ZFP91: variants seen among roughly 807,000 people sequenced by gnomAD.
ZFP91 encodes E3 ubiquitin-protein ligase ZFP91.
Under a neutral mutation model 63.5 loss-of-function variants are expected in ZFP91, and 7 were observed. The observed-to-expected ratio is 0.11, with a 90% CI of 0.06 to 0.21. The LOEUF is 0.21. ZFP91 is among the 10% of genes least tolerant of loss of function. The pLI is 1.00. For synonymous variants in ZFP91, 330 were observed against 272.1 expected (o/e 1.21, Z -2.10); for missense variants, 628 against 736.6 (o/e 0.85, Z 1.71).
chr11:58,582,786 T>C (rs1855141105), intron 1 of ZFP91, among the ~76,000 whole-genome samples: 2 of 152,140 alleles, frequency 1.3e-5, no homozygotes, highest in Admixed American at 1.3e-4. Context: ...ATCTGATGTT[T>C]ATAACAACTT....
intron 1 of ZFP91, among the ~76,000 whole-genome samples, chr11:58,583,361 G>GT (rs1855150646): frequency 1.3e-5 from 2 of 152,000 alleles, no homozygotes; most frequent in Admixed American, 1.3e-4. Context: ...AAGGAAAGTA[G>GT]TTTTATTTTC....
rs747591460 is a variant in ZFP91, at chr11:58,609,985, G to A, written c.526G>A (p.Gly176Ser). The A allele has an allele frequency of 3.3e-5, 54 of 1,614,150 alleles. No homozygotes were observed. Among genetic ancestry groups the A allele is most frequent in the Admixed American group, 2.8e-4 (17 of 60,028 alleles). The stretch of plus-strand genomic sequence containing the variant: ...CACCCGAAGCTCTCGGTCCAAGACC[G>A]GTTCATTGCAGCTCATTTGCAAGTC... ...ENTRSSRSKT[G>S]SLQLICKSEP... The change falls in exon 3 of 11, where the codon GGT becomes AGT. Residue 176 changes from glycine (G) to serine (S), a missense_variant. Transcript: ENST00000316059.
chr11:58,590,880 C>G (rs1256641989), intron 2 of ZFP91, among the ~76,000 whole-genome samples: 4 of 150,362 alleles, frequency 2.7e-5, no homozygotes, highest in Non-Finnish European at 5.9e-5. Context: ...TAACCGTTAC[C>G]TAACTGAAGG....
chr11:58,579,410 G>C lies in ZFP91; in HGVS notation c.129G>C (p.Gly43=). Residue 43 remains glycine (G), a synonymous_variant, in exon 1 of 11, where the codon GGG becomes GGC. Transcript: ENST00000316059. ...AGGCGGTCGCGGCGGCGCCTGCAGGGACCACTAGCAGCCGCGTGCTGAGGG... is the reference window on the plus strand; with the variant it reads ...AGGCGGTCGCGGCGGCGCCTGCAGGCACCACTAGCAGCCGCGTGCTGAGGG... The part of the protein sequence containing the change: ...PPEAVAAAPA[G]TTSSRVLRGG... The C allele has an allele frequency of 6.9e-7, 1 of 1,456,124 alleles. No homozygotes were observed. Among genetic ancestry groups the C allele is most frequent in the South Asian group, 1.4e-5 (1 of 73,740 alleles). 90.2% of individuals were successfully genotyped at this position (1,456,124 alleles called of 1,614,324 possible).
At chr11:58,611,130 C>G (rs769615486) in intron 5 of ZFP91, 76 bp downstream of exon 5, 27 of 1,346,764 alleles carry the variant, frequency 2.0e-5, no homozygotes, top group Non-Finnish European at 2.8e-5. Context: ...TTTATTTTAT[C>G]TGTTGCCAAG....
Position 58,617,499 on chromosome 11 carries a change from A to C in ZFP91, c.1506A>C (p.Ser502=). Residue 502 remains serine (S), a synonymous_variant, in exon 11 of 11, where the codon TCA becomes TCC. Transcript: ENST00000316059. This position sits in a 1 kb window ranked among gnomAD's most constrained non-coding sequence, Gnocchi z 4.2. ...LPLLPEPLGN[S]TSGECLLLEA... is the part of the protein sequence containing the mutation. ...TTCTTCCTGAGCCCTTGGGAAACTC[A>C]ACCTCTGGAGAGTGCCTACTGTTAG... is the stretch of plus-strand genomic sequence containing the variant. 1 of 1,614,158 alleles carries C rather than the reference A, an allele frequency of 6.2e-7. No homozygotes were observed. Among genetic ancestry groups the C allele is most frequent in the Non-Finnish European group, 8.5e-7 (1 of 1,180,012 alleles).
intron 1 of ZFP91, among the ~76,000 whole-genome samples, chr11:58,580,604 T>C (rs1014731807): frequency 6.6e-6 from 1 of 152,214 alleles, no homozygotes; most frequent in Admixed American, 6.5e-5. Flanking sequence ...CCAGTAGAGA[T>C]AGTGGCAAGG....
At chr11:58,603,910 A>G (rs541462226) in intron 2 of ZFP91, among the ~76,000 whole-genome samples, 1 of 152,254 alleles carries the variant, frequency 6.6e-6, no homozygotes, top group East Asian at 1.9e-4. Context: ...TTTGCTCTAG[A>G]GTGGACCATA....
chr11:58,612,094 G>A (rs943426602), intron 6 of ZFP91, 184 bp from the exon 7 acceptor site: 8 of 629,214 alleles, frequency 1.3e-5, no homozygotes, highest in Middle Eastern at 3.8e-4. Context: ...TGATTTGAAA[G>A]TGAAATTACT....
intron 2 of ZFP91, among the ~76,000 whole-genome samples, chr11:58,585,355 T>G (rs1354099223): frequency 3.9e-5 from 6 of 152,214 alleles, no homozygotes. Flanking sequence ...AGTTTTCTGT[T>G]TTCCTGGATT....
At chr11:58,594,275 A>G (rs976115536) in intron 2 of ZFP91, among the ~76,000 whole-genome samples, 2 of 152,132 alleles carry the variant, frequency 1.3e-5, no homozygotes. Flanking sequence ...AGACATGTAC[A>G]TGTACTCGTT....
At chr11:58,601,138 T>G (rs1183037134) in intron 2 of ZFP91, among the ~76,000 whole-genome samples, 1 of 152,152 alleles carries the variant, frequency 6.6e-6, no homozygotes, top group African/African-American at 2.4e-5. Context: ...TGTTGGGAAG[T>G]GTTCCATCTT....
chr11:58,591,989 A>C (rs919619778), intron 2 of ZFP91, among the ~76,000 whole-genome samples: 2 of 150,508 alleles, frequency 1.3e-5, no homozygotes, highest in Non-Finnish European at 3.0e-5. Context: ...TTGCAGCTGT[A>C]GTAGGTAAGT....
Position 58,579,495 on chromosome 11 carries a change from A to T in ZFP91, c.214A>T (p.Arg72Trp). ...AAAAAAVSRR[R>W]KAEYPRRRRS... ...CGCCGCCGCAGCTGTGTCCCGCCGG[A>T]GGAAGGCCGAGTATCCCCGCCGGCG... Residue 72 changes from arginine (R) to tryptophan (W), a missense_variant, in exon 1 of 11, where the codon AGG becomes TGG. Arg to Trp is a moderately radical substitution (Grantham distance 101). Transcript: ENST00000316059. The T allele has an allele frequency of 6.6e-7, 1 of 1,525,810 alleles. No individual in the cohort carries two copies. The highest frequency in any genetic ancestry group is 1.2e-5 in the South Asian group (1 of 82,798). The allele number at this position is 1,525,810 out of a possible 1,614,324, so 94.5% of individuals were successfully genotyped here. A position where few individuals can be genotyped will look rare whatever the true frequency, so the allele number is the denominator to read the frequency against.
intron 2 of ZFP91, among the ~76,000 whole-genome samples, chr11:58,604,371 CAAAAGCTAGGA>C (rs2134411567): frequency 6.6e-6 from 1 of 152,068 alleles, no homozygotes; most frequent in South Asian, 2.1e-4. Flanking sequence ...TGACCACCAC[CAAAAGCTAGGA>C]AGAGGCAAGG....
At position 58,618,432 on chromosome 11, in the gene ZFP91, A is replaced by G. The variant is rs372373981; in HGVS notation, c.*726A>G. On this transcript the variant is annotated 3_prime_UTR_variant, in exon 11 of 11. Coordinates refer to ENST00000316059, the MANE Select transcript of ZFP91 (RefSeq NM_053023.5). ...CCCAATAGGGAGGGGGCTGCCCTCT[A>G]CAGTCTCTTTGACTGTAAGACAGGG... The G allele has an allele frequency of 1.1e-3, 352 of 329,198 alleles. 7 individuals carry two copies. The highest frequency in any genetic ancestry group is 7.7e-3 in the South Asian group (308 of 40,064). 20.4% of individuals were successfully genotyped at this position (329,198 alleles called of 1,614,324 possible).
At chr11:58,605,348 T>G (rs1223941499) in intron 2 of ZFP91, among the ~76,000 whole-genome samples, 1 of 152,230 alleles carries the variant, frequency 6.6e-6, no homozygotes, top group Non-Finnish European at 1.5e-5. Context: ...AAGTACAATA[T>G]CATATTTTTG....
chr11:58,597,301 T>C (rs1478896176), intron 2 of ZFP91, among the ~76,000 whole-genome samples: 1 of 152,200 alleles, frequency 6.6e-6, no homozygotes, highest in Non-Finnish European at 1.5e-5. Context: ...GCCTATCCTT[T>C]CCTGCTTTAA....
chr11:58,579,655 C>T (rs751954447), intron 1 of ZFP91, 33 bp downstream of exon 1: 38 of 1,513,278 alleles, frequency 2.5e-5, no homozygotes, highest in African/African-American at 2.0e-4. Context: ...GTGGGAAAGA[C>T]CCCCCTCTGT....
Sources: gnomAD v4.1 joint callset for allele counts (sites outside exome capture counted in the v4.1 genomes callset) on GRCh38, gnomAD v4.1.1 for gene constraint, Gnocchi (gnomAD v3.1) non-coding constraint, MANE v1.5 for transcripts, NCBI Gene and HGNC (gene_info 2026-07-23, HGNC 2026-07-21) for gene names.